The following TBCK variants were observed in gnomAD, a reference collection of about 807,000 sequenced individuals.
The protein encoded by TBCK is TBC1 domain containing kinase, also known as TBC domain-containing protein kinase-like protein.
A neutral mutation model predicts 113.4 loss-of-function variants in TBCK; 99 were observed. That is an observed-to-expected ratio of 0.87 (90% CI 0.74 to 1.03). The LOEUF is 1.03. Among genes scored for constraint, TBCK ranks in the 50% least tolerant of loss-of-function variants. The pLI is 0.00. For missense variants in TBCK, 1,045 were observed against 1,061.3 expected, an observed-to-expected ratio of 0.98 and a Z score of 0.21; for synonymous variants, 369 against 370.8, an observed-to-expected ratio of 1.00 and a Z score of 0.05.
chr4:106,240,283 C>T (rs1322295795), intron 12 of TBCK, among the ~76,000 whole-genome samples: 2 of 151,816 alleles, frequency 1.3e-5, no homozygotes, highest in Non-Finnish European at 2.9e-5. Flanking sequence ...ACTTTTAAAA[C>T]CAGAAATTAG....
chr4:106,232,279 T>A (rs929947996), intron 17 of TBCK, among the ~76,000 whole-genome samples: 1 of 151,854 alleles, frequency 6.6e-6, no homozygotes, highest in Non-Finnish European at 1.5e-5. Flanking sequence ...AGAATGTACA[T>A]AAATCTACCT....
chr4:106,225,643 G>A (rs1189162292), intron 19 of TBCK, among the ~76,000 whole-genome samples: 1 of 151,956 alleles, frequency 6.6e-6, no homozygotes, highest in Non-Finnish European at 1.5e-5. Flanking sequence ...ATTTTTAGTA[G>A]AGACAGGGTT....
At chr4:106,241,855 A>G (rs193083592) in intron 12 of TBCK, among the ~76,000 whole-genome samples, 1 of 151,978 alleles carries the variant, frequency 6.6e-6, no homozygotes, top group African/African-American at 2.4e-5. Flanking sequence ...GAAAAAATAT[A>G]TCAAAATATA....
rs186395152 is a variant in TBCK, at chr4:106,173,130, C to G, written c.2060-1860G>C. ...GATTTCATCACCTCATATGCTATTC[C>G]TAATATAAAAACTATAAAACAGAGT... is the stretch of plus-strand genomic sequence containing the variant. On this transcript the variant is annotated intron_variant, in intron 22 of 25. Transcript: ENST00000394708. Among the ~76,000 whole-genome samples the G allele has an allele frequency of 5.8e-4, 89 of 152,200 alleles. 3 individuals are homozygous for G. The highest frequency in any genetic ancestry group is 1.7e-3 in the Admixed American group (26 of 15,274).
At chr4:106,211,504 T>C (rs1427757301) in intron 20 of TBCK, among the ~76,000 whole-genome samples, 1 of 152,160 alleles carries the variant, frequency 6.6e-6, no homozygotes, top group African/African-American at 2.4e-5. Flanking sequence ...AACATTGTTT[T>C]GTAAAACTTA....
intron 3 of TBCK, among the ~76,000 whole-genome samples, chr4:106,277,592 C>A (rs1307542365): frequency 1.3e-5 from 2 of 152,120 alleles, no homozygotes; most frequent in Non-Finnish European, 2.9e-5. Context: ...TTACACAAAA[C>A]AGTATATACT....
chr4:106,145,311 C>T (rs1747650984), intron 23 of TBCK, among the ~76,000 whole-genome samples: 1 of 152,108 alleles, frequency 6.6e-6, no homozygotes, highest in Non-Finnish European at 1.5e-5. Flanking sequence ...AGTGAGACTC[C>T]ATCTCAGAAA....
At chr4:106,050,697 C>T (rs1318015138) in intron 25 of TBCK, among the ~76,000 whole-genome samples, 4 of 152,056 alleles carry the variant, frequency 2.6e-5, no homozygotes, top group African/African-American at 9.7e-5. Flanking sequence ...TATAGGGCTA[C>T]ATCCCATGTA....
At position 106,300,626 on chromosome 4, in the gene TBCK, G is replaced by T. The variant is rs1015367310; in HGVS notation, c.194-5460C>A. 2.0e-5 allele frequency among the ~76,000 whole-genome samples: 3 copies of T among 152,172 alleles called. No homozygotes were observed. The East Asian group carries it at 5.8e-4, about 29-fold the overall frequency. ...AGTATTGGTACCAGAACACTGTGAT[G>T]GTCAGTTTTATGAGTCAGCTTAGCT... On this transcript the variant is annotated intron_variant, in intron 2 of 25. Transcript: ENST00000394708.
At chr4:106,291,914 G>A (rs1173277571) in intron 3 of TBCK, among the ~76,000 whole-genome samples, 1 of 152,174 alleles carries the variant, frequency 6.6e-6, no homozygotes, top group Non-Finnish European at 1.5e-5. Flanking sequence ...CTGATGAGTT[G>A]ACCGATGTTG....
At chr4:106,276,539 C>T (rs1764042790) in intron 3 of TBCK, among the ~76,000 whole-genome samples, 1 of 151,964 alleles carries the variant, frequency 6.6e-6, no homozygotes, top group South Asian at 2.1e-4. Flanking sequence ...CAGTGAGAGC[C>T]TATCTCTAAA....
intron 25 of TBCK, among the ~76,000 whole-genome samples, chr4:106,083,619 G>T (rs970660903): frequency 3.3e-5 from 5 of 152,198 alleles, no homozygotes; most frequent in African/African-American, 1.2e-4. Flanking sequence ...TGCTCCCTGT[G>T]CCACCCAACT....
intron 7 of TBCK, among the ~76,000 whole-genome samples, chr4:106,249,923 C>T (rs146774585): frequency 4.6e-5 from 7 of 152,116 alleles, no homozygotes; most frequent in African/African-American, 1.7e-4. Context: ...TAATTAATTC[C>T]ACTCCAAAGT....
At chr4:106,204,566 A>C (rs574885545) in intron 20 of TBCK, among the ~76,000 whole-genome samples, 2 of 152,286 alleles carry the variant, frequency 1.3e-5, no homozygotes, top group African/African-American at 2.4e-5. Flanking sequence ...AAGGAGTAAA[A>C]ATTATTAAAT....
In TBCK at chr4:106,050,317, C is replaced by G. The variant is rs547531773; in HGVS notation, c.2572-3637G>C. ...AGAAAAAAAACGGTAAGATGCAATA[C>G]TTGAACAATGCAATTAACAAATCTA... On this transcript the variant is annotated intron_variant, in intron 25 of 25. Coordinates refer to ENST00000394708, the MANE Select transcript of TBCK (RefSeq NM_001163435.3). Among the ~76,000 whole-genome samples, 20 of 152,038 alleles carry G rather than the reference C, an allele frequency of 1.3e-4. 1 individual carries two copies. The highest frequency in any genetic ancestry group is 1.2e-3 in the South Asian group (6 of 4,804).
chr4:106,152,939 T>C (rs1748675821), intron 23 of TBCK, among the ~76,000 whole-genome samples: 1 of 152,100 alleles, frequency 6.6e-6, no homozygotes, highest in Admixed American at 6.6e-5. Flanking sequence ...TTTAAATCTC[T>C]GTTTATTTGG....
chr4:106,070,699 A>G (rs1253426348), intron 25 of TBCK, among the ~76,000 whole-genome samples: 1 of 151,918 alleles, frequency 6.6e-6, no homozygotes, highest in Non-Finnish European at 1.5e-5. Context: ...TATTGATTGG[A>G]ATAGTTTCAG....
At chr4:106,053,621 T>C (rs544161939) in intron 25 of TBCK, among the ~76,000 whole-genome samples, 1 of 151,832 alleles carries the variant, frequency 6.6e-6, no homozygotes, top group South Asian at 2.1e-4. Flanking sequence ...GTTTAAGTCC[T>C]ATCTATACAC....
chr4:106,116,331 T>C lies in TBCK; in HGVS notation c.2283A>G (p.Pro761=), dbSNP rs1365092611. ...CAATCAGGTCCTCTGCTGAAATCCG[T>C]GGTGATACTTCTGACTTCAGGTCAT... is the stretch of plus-strand genomic sequence containing the variant. The part of the protein sequence containing the change: ...PLNDLKSEVS[P]RISAEDLIDL... The change falls in exon 24 of 26, where the codon CCA becomes CCG. Residue 761 remains proline, a synonymous_variant. Transcript: ENST00000394708. 3 of 1,613,864 alleles carry C rather than the reference T, an allele frequency of 1.9e-6. No homozygotes were observed. The African/African-American group carries it at 4.0e-5, about 22-fold the overall frequency.
Sources: gnomAD v4.1 joint callset for allele counts (sites outside exome capture counted in the v4.1 genomes callset) on GRCh38, gnomAD v4.1.1 for gene constraint, MANE v1.5 for transcripts, NCBI Gene and HGNC (gene_info 2026-07-23, HGNC 2026-07-21) for gene names.